The following VWF variants were observed in gnomAD, a reference collection of about 807,000 sequenced individuals.
VWF encodes the protein Factor VIII related antigen.
A neutral mutation model predicts 308.6 loss-of-function variants in VWF; 176 were observed. That is an observed-to-expected ratio of 0.57 (90% CI 0.50 to 0.65). The LOEUF (loss-of-function observed/expected upper bound fraction) is 0.65. Among genes scored for constraint, VWF ranks in the 30% least tolerant of loss-of-function variants. The pLI, the probability that VWF is intolerant of heterozygous loss-of-function variation, is 0.00. For missense variants in VWF, 3,146 were observed against 3,648.2 expected, an observed-to-expected ratio of 0.86 and a Z score of 3.55; for synonymous variants, 1,385 against 1,443.4, an observed-to-expected ratio of 0.96 and a Z score of 0.92.
At position 6,016,616 on chromosome 12, in the gene VWF, G is replaced by C; in HGVS notation, c.5211C>G (p.Ser1737Arg). The change falls in exon 30 of 52, where the codon AGC (serine) becomes AGG (arginine). Residue 1737 changes from serine to arginine, a missense_variant. Ser to Arg is a moderately radical substitution (Grantham distance 110). This residue lies in a region of VWF where 853 missense variants were observed against 1,177.8 expected (regional missense o/e 0.72). Coordinates refer to ENST00000261405, the MANE Select transcript of VWF (RefSeq NM_000552.5). ...LTQVSVLQYGSITTIDVPWNV... is the reference protein window; with the variant it reads ...LTQVSVLQYGRITTIDVPWNV... ...TCCATGGCACGTCAATGGTGGTGAT[G>C]CTTCCATACTGCAGCACTGACACCT... The C allele has an allele frequency of 6.2e-7, 1 of 1,614,200 alleles. No homozygotes were observed. The highest frequency in any genetic ancestry group is 2.2e-5 in the East Asian group (1 of 44,890).
chr12:5,969,522 C>G (rs1943445769), intron 44 of VWF, 131 bp from the exon 45 acceptor site: 2 of 1,069,524 alleles, frequency 1.9e-6, no homozygotes, highest in Non-Finnish European at 2.7e-6. Flanking sequence ...AGTCCCACCA[C>G]AGGGTAGGGC....
chr12:5,954,397 T>G (rs892331161), intron 47 of VWF, among the ~76,000 whole-genome samples: 3 of 152,206 alleles, frequency 2.0e-5, no homozygotes, highest in African/African-American at 7.2e-5. Context: ...TCAAAAGCAC[T>G]GGAAGAAGAC....
chr12:6,068,372 G>A (rs1944742197), intron 10 of VWF, among the ~76,000 whole-genome samples: 1 of 152,044 alleles, frequency 6.6e-6, no homozygotes, highest in Non-Finnish European at 1.5e-5. Context: ...CTGCAGAAAT[G>A]CCCAACCCAC....
intron 47 of VWF, among the ~76,000 whole-genome samples, chr12:5,960,116 ATCTC>A (rs1348470887): frequency 6.7e-6 from 1 of 149,182 alleles, no homozygotes; most frequent in African/African-American, 2.4e-5. Context: ...AAATAAGAAA[ATCTC>A]TAGCTAGATT....
chr12:6,040,879 A>T (rs140016808), intron 18 of VWF, among the ~76,000 whole-genome samples: 1 of 152,192 alleles, frequency 6.6e-6, no homozygotes, highest in Non-Finnish European at 1.5e-5. Flanking sequence ...CAATATTTTC[A>T]AACAGGTGCT....
chr12:6,092,624 T>TGAGAGAGAGAGAGA (rs1180180618), intron 6 of VWF, among the ~76,000 whole-genome samples: 55 of 87,058 alleles, frequency 6.3e-4, no homozygotes, highest in Middle Eastern at 5.1e-3. Flanking sequence ...TGAGAGTGTG[T>TGAGAGAGAGAGAGA]GTGTGTGTGT....
intron 47 of VWF, among the ~76,000 whole-genome samples, chr12:5,956,836 A>G (rs745305638): frequency 1.1e-4 from 17 of 152,200 alleles, no homozygotes; most frequent in Non-Finnish European, 1.9e-4. Context: ...AGTGAGCTAA[A>G]GTTAATTTAT....
chr12:5,951,037 T>C (rs1030398369), intron 50 of VWF, among the ~76,000 whole-genome samples: 1 of 151,990 alleles, frequency 6.6e-6, no homozygotes, highest in Non-Finnish European at 1.5e-5. Flanking sequence ...TCTCTATCTG[T>C]AAACAAGCAT....
intron 6 of VWF, among the ~76,000 whole-genome samples, chr12:6,077,417 G>A (rs2136477099): frequency 6.6e-6 from 1 of 152,322 alleles, no homozygotes; most frequent in East Asian, 1.9e-4. Context: ...ACAGCCATCA[G>A]CTGCTCTGCG....
intron 47 of VWF, among the ~76,000 whole-genome samples, chr12:5,966,173 C>T (rs908692224): frequency 1.3e-5 from 2 of 152,082 alleles, no homozygotes; most frequent in Non-Finnish European, 2.9e-5. Flanking sequence ...CCTGATTGGA[C>T]TTCAGTGGAC....
At chr12:6,074,572 C>T (rs1944819869) in intron 7 of VWF, among the ~76,000 whole-genome samples, 1 of 151,980 alleles carries the variant, frequency 6.6e-6, no homozygotes, top group Non-Finnish European at 1.5e-5. Flanking sequence ...CACACCCCCA[C>T]CACAGGCAGA....
chr12:5,987,132 G>T (rs983406847), intron 38 of VWF, among the ~76,000 whole-genome samples: 1 of 152,010 alleles, frequency 6.6e-6, no homozygotes, highest in African/African-American at 2.4e-5. Flanking sequence ...TCACCATGTT[G>T]GCCAGGCTGG....
chr12:5,964,564 C>T (rs1943376859), intron 47 of VWF, among the ~76,000 whole-genome samples: 1 of 152,168 alleles, frequency 6.6e-6, no homozygotes, highest in African/African-American at 2.4e-5. Context: ...GGTCCTGAGG[C>T]TTTTCTATTA....
chr12:6,088,603 C>A (rs981844538), intron 6 of VWF, among the ~76,000 whole-genome samples: 1 of 152,208 alleles, frequency 6.6e-6, no homozygotes, highest in East Asian at 1.9e-4. Flanking sequence ...CTGTTGCAGA[C>A]AGGACTACAG....
chr12:6,094,946 C>T (rs116055069), intron 6 of VWF, among the ~76,000 whole-genome samples: 9 of 145,226 alleles, frequency 6.2e-5, no homozygotes, highest in East Asian at 2.1e-4. Flanking sequence ...TGCTAAGCTC[C>T]GCCTCCTGGG....
At chr12:6,080,282 C>T (rs1662036154) in intron 6 of VWF, among the ~76,000 whole-genome samples, 1 of 152,258 alleles carries the variant, frequency 6.6e-6, no homozygotes, top group African/African-American at 2.4e-5. Flanking sequence ...TCAAACCTAA[C>T]AGTGATGAAC....
Position 5,949,899 on chromosome 12 carries a change from G to C in VWF, c.8156-16C>G, listed in dbSNP as rs374507722. The C allele has an allele frequency of 1.5e-5, 24 of 1,611,124 alleles. No individual in the cohort carries two copies. Among genetic ancestry groups the C allele is most frequent in the Non-Finnish European group, 2.0e-5 (24 of 1,179,486 alleles). On this transcript the variant is annotated splice_polypyrimidine_tract_variant and intron_variant, in intron 50 of 51. Transcript: ENST00000261405. Reference sequence around the variant, plus strand: ...GGCTCCTCACCTACAGGACAGGTGAGAGATGAAACTTGAGGACTGGCTGGG... The same window carrying C: ...GGCTCCTCACCTACAGGACAGGTGACAGATGAAACTTGAGGACTGGCTGGG...
intron 6 of VWF, among the ~76,000 whole-genome samples, chr12:6,089,962 C>CT (rs56198206): frequency 0.12 from 17,617 of 150,716 alleles, 1,502 homozygotes; most frequent in African/African-American, 0.24. Flanking sequence ...CCTCTTTTTT[C>CT]TTTTTTTTTG....
chr12:6,112,800 G>A (rs1047411099), intron 3 of VWF, among the ~76,000 whole-genome samples: 2 of 150,780 alleles, frequency 1.3e-5, no homozygotes, highest in African/African-American at 2.5e-5. Context: ...GAGGCTGCAG[G>A]AGGACAACCA....
Sources: gnomAD v4.1 joint callset for allele counts (sites outside exome capture counted in the v4.1 genomes callset) on GRCh38, gnomAD v4.1.1 for gene constraint, gnomAD v4.1.1 regional missense constraint, MANE v1.5 for transcripts, NCBI Gene and HGNC (gene_info 2026-07-23, HGNC 2026-07-21) for gene names.